Variants in MAGI2 observed in about 807,000 individuals in gnomAD.
MAGI2 encodes the protein membrane associated guanylate kinase, WW and PDZ domain containing 2.
MAGI2 carries 35 observed loss-of-function variants against 133.3 expected under a neutral mutation model. The observed-to-expected ratio is 0.26, with a 90% confidence interval of 0.20 to 0.35. MAGI2 has a LOEUF of 0.35. Ranked by LOEUF, MAGI2 falls within the 10% of genes least tolerant of loss-of-function variation. The pLI, the probability that MAGI2 is intolerant of heterozygous loss-of-function variation, is 1.00. For synonymous variants in MAGI2, 729 were observed against 710.6 expected (o/e 1.03, Z -0.41); for missense variants, 1,636 against 1,863.4 (o/e 0.88, Z 2.25).
chr7:78,596,645 A>T (rs561778171), intron 3 of MAGI2, among the ~76,000 whole-genome samples: 1 of 152,290 alleles, frequency 6.6e-6, no homozygotes, highest in South Asian at 2.1e-4. Flanking sequence ...TTTGATTCTC[A>T]ACTGCTTTAA....
chr7:78,246,737 C>T (rs369023580), intron 10 of MAGI2, among the ~76,000 whole-genome samples: 7 of 152,216 alleles, frequency 4.6e-5, no homozygotes, highest in East Asian at 3.9e-4. Context: ...TCATCCCCCA[C>T]GATCTGACTT....
chr7:79,419,413 A>G (rs1183030689), intron 1 of MAGI2, among the ~76,000 whole-genome samples: 17 of 152,074 alleles, frequency 1.1e-4, no homozygotes, highest in Admixed American at 1.1e-3. Flanking sequence ...AAGAAAAAGG[A>G]AAATGTGAGA....
chr7:79,012,454 G>A (rs1370145800), intron 1 of MAGI2, among the ~76,000 whole-genome samples: 1 of 152,082 alleles, frequency 6.6e-6, no homozygotes, highest in Non-Finnish European at 1.5e-5. Flanking sequence ...ACTGTAATTT[G>A]TGGACCTGTT....
At chr7:78,209,551 G>T (rs187987905) in intron 10 of MAGI2, among the ~76,000 whole-genome samples, 1 of 151,980 alleles carries the variant, frequency 6.6e-6, no homozygotes, top group African/African-American at 2.4e-5. Flanking sequence ...GTGAGTCACC[G>T]TGCCTGGCCT....
At position 78,353,588 on chromosome 7, in the gene MAGI2, G is replaced by A. The variant is rs371887614; in HGVS notation, c.1104-7545C>T. 3.2e-4 allele frequency among the ~76,000 whole-genome samples: 48 copies of A among 152,316 alleles called. 1 individual carries two copies. Among genetic ancestry groups the A allele is most frequent in the Admixed American group, 2.6e-3 (40 of 15,302 alleles). ...AACTGCTGAAATTTGTATGCATGAC[G>A]TAAATACTCAGAGGGAGAAAAGACA... On this transcript the variant is annotated intron_variant, in intron 7 of 21. Coordinates refer to ENST00000354212, the MANE Select transcript of MAGI2 (RefSeq NM_012301.4).
rs184991868 is a variant in MAGI2, at chr7:79,346,806, C to T, written c.301+106214G>A. The stretch of plus-strand genomic sequence containing the variant: ...TCTGGTTTTCTTAGGCAGAAATGAT[C>T]TCTCCTTTTGCATTCTTAGAGCTGT... On this transcript the variant is annotated intron_variant, in intron 1 of 21. Transcript: ENST00000354212. Among the ~76,000 whole-genome samples the T allele has an allele frequency of 2.0e-3, 307 of 152,128 alleles. 2 individuals carry two copies. Among genetic ancestry groups the T allele is most frequent in the Non-Finnish European group, 2.7e-3 (185 of 67,894 alleles).
At chr7:79,058,617 G>A (rs573779272) in intron 1 of MAGI2, among the ~76,000 whole-genome samples, 1 of 152,032 alleles carries the variant, frequency 6.6e-6, no homozygotes, top group South Asian at 2.1e-4. Context: ...TTATTACAAG[G>A]GGTGACATTA....
In MAGI2 at chr7:78,846,655, C is replaced by G. The variant is rs147502454; in HGVS notation, c.418+160435G>C. On this transcript the variant is annotated intron_variant, in intron 2 of 21. Transcript: ENST00000354212. The stretch of plus-strand genomic sequence containing the variant: ...TTCATTCAGCTTATTTATCCTAGCA[C>G]TACTGTTTATTAAACTGCCATGTGG... Among the ~76,000 whole-genome samples the G allele has an allele frequency of 3.9e-3, 599 of 152,106 alleles. 3 individuals carry two copies. The highest frequency in any genetic ancestry group is 0.014 in the Middle Eastern group (4 of 294).
intron 1 of MAGI2, among the ~76,000 whole-genome samples, chr7:79,347,490 A>C (rs1841406881): frequency 6.6e-6 from 1 of 151,578 alleles, no homozygotes; most frequent in Admixed American, 6.6e-5. Flanking sequence ...AGCTTCATTG[A>C]CATTGAGAGA....
chr7:79,087,903 G>GTAGTA (rs1816673717), intron 1 of MAGI2, among the ~76,000 whole-genome samples: 1 of 152,024 alleles, frequency 6.6e-6, no homozygotes, highest in Non-Finnish European at 1.5e-5. Flanking sequence ...CTGTACACTT[G>GTAGTA]TAGTATAGTT....
intron 2 of MAGI2, among the ~76,000 whole-genome samples, chr7:78,976,413 G>A (rs1408846272): frequency 6.6e-6 from 1 of 151,284 alleles, no homozygotes; most frequent in East Asian, 1.9e-4. Flanking sequence ...ACCAGGAATG[G>A]AGAATTTCTT....
intron 6 of MAGI2, among the ~76,000 whole-genome samples, chr7:78,390,247 A>G (rs1428579691): frequency 1.3e-5 from 2 of 152,350 alleles, no homozygotes; most frequent in East Asian, 3.9e-4. Flanking sequence ...TTTCAGGAAA[A>G]TACATACAAA....
At chr7:79,326,432 G>A (rs979694211) in intron 1 of MAGI2, among the ~76,000 whole-genome samples, 4 of 152,080 alleles carry the variant, frequency 2.6e-5, no homozygotes, top group African/African-American at 9.7e-5. Context: ...CCTCCCTAGG[G>A]TTGAAACTGT....
intron 21 of MAGI2, among the ~76,000 whole-genome samples, chr7:78,056,988 G>A (rs1263724645): frequency 6.6e-6 from 1 of 151,202 alleles, no homozygotes; most frequent in Non-Finnish European, 1.5e-5. Flanking sequence ...ACAAGAATGT[G>A]CAAATATCTC....
intron 2 of MAGI2, among the ~76,000 whole-genome samples, chr7:78,681,870 A>T (rs1050867051): frequency 6.6e-6 from 1 of 152,186 alleles, no homozygotes; most frequent in Non-Finnish European, 1.5e-5. Flanking sequence ...GCATTAATTT[A>T]GAAACTTCAG....
intron 6 of MAGI2, among the ~76,000 whole-genome samples, chr7:78,469,979 G>T (rs1021793578): frequency 2.6e-5 from 4 of 152,144 alleles, no homozygotes; most frequent in African/African-American, 7.2e-5. Flanking sequence ...TATATAAAAT[G>T]TGGCTTCGCT....
intron 2 of MAGI2, among the ~76,000 whole-genome samples, chr7:78,816,010 T>C (rs1789546323): frequency 6.6e-6 from 1 of 152,144 alleles, no homozygotes; most frequent in South Asian, 2.1e-4. Flanking sequence ...TTGCACCACA[T>C]AGTTAGCCAA....
At chr7:78,951,103 C>A (rs750648770) in intron 2 of MAGI2, among the ~76,000 whole-genome samples, 33 of 151,774 alleles carry the variant, frequency 2.2e-4, no homozygotes, top group Non-Finnish European at 2.6e-4. Context: ...TCCCAAGTGG[C>A]TGGGATTACA....
chr7:78,953,720 C>T (rs1300158538), intron 2 of MAGI2, among the ~76,000 whole-genome samples: 8 of 152,088 alleles, frequency 5.3e-5, no homozygotes, highest in African/African-American at 1.9e-4. Flanking sequence ...AACAACAGCT[C>T]TACAGACAGC....
Sources: gnomAD v4.1 joint callset for allele counts (sites outside exome capture counted in the v4.1 genomes callset) on GRCh38, gnomAD v4.1.1 for gene constraint, MANE v1.5 for transcripts, NCBI Gene and HGNC (gene_info 2026-07-23, HGNC 2026-07-21) for gene names.